Variants in MGAT4C observed in about 807,000 individuals in gnomAD.
MGAT4C encodes MGAT4 family member C.
Under a neutral mutation model 40.1 loss-of-function variants are expected in MGAT4C, and 19 were observed. The ratio of observed to expected loss-of-function variants is 0.47; its 90% confidence interval spans 0.33 to 0.70. The LOEUF (loss-of-function observed/expected upper bound fraction) is 0.70, where lower values mean the gene tolerates loss of function less well. Among genes scored for constraint, MGAT4C ranks in the 30% least tolerant of loss-of-function variants. The pLI, the probability that MGAT4C is intolerant of heterozygous loss-of-function variation, is 0.02. For missense variants in MGAT4C, 491 were observed against 563.2 expected, an observed-to-expected ratio of 0.87 and a Z score of 1.30; for synonymous variants, 181 against 187.1, an observed-to-expected ratio of 0.97 and a Z score of 0.27.
At chr12:86,587,204 T>A (rs1961087733) in intron 2 of MGAT4C, among the ~76,000 whole-genome samples, 1 of 151,960 alleles carries the variant, frequency 6.6e-6, no homozygotes, top group Non-Finnish European at 1.5e-5. Context: ...ATTTATTAAA[T>A]AGGGAATCCT....
chr12:86,085,512 T>C (rs1256268809), intron 1 of MGAT4C, among the ~76,000 whole-genome samples: 1 of 152,142 alleles, frequency 6.6e-6, no homozygotes, highest in Non-Finnish European at 1.5e-5. Flanking sequence ...CAGATGATTG[T>C]AGATGTGTTG....
chr12:86,008,562 A>G (rs565608774), intron 2 of MGAT4C, among the ~76,000 whole-genome samples: 22 of 152,014 alleles, frequency 1.4e-4, no homozygotes, highest in African/African-American at 4.6e-4. Context: ...TTTTTTTCCA[A>G]TCTCTAAGAC....
intron 2 of MGAT4C, among the ~76,000 whole-genome samples, chr12:86,015,269 C>T (rs1004650353): frequency 4.8e-5 from 7 of 145,006 alleles, no homozygotes; most frequent in Non-Finnish European, 6.1e-5. Context: ...GTGTGTTTTC[C>T]GCTAGGAAAT....
At chr12:86,381,492 T>A (rs544184967) in intron 3 of MGAT4C, among the ~76,000 whole-genome samples, 1 of 152,090 alleles carries the variant, frequency 6.6e-6, no homozygotes, top group Non-Finnish European at 1.5e-5. Context: ...GAAAAATCTA[T>A]CTCAACTCTC....
chr12:86,400,192 A>G (rs934599727), intron 3 of MGAT4C, among the ~76,000 whole-genome samples: 1 of 152,190 alleles, frequency 6.6e-6, no homozygotes, highest in Admixed American at 6.5e-5. Context: ...GAAGTCTTCT[A>G]TATTTGTGGT....
At chr12:86,794,788 T>G (rs1168925479) in intron 1 of MGAT4C, among the ~76,000 whole-genome samples, 1 of 151,862 alleles carries the variant, frequency 6.6e-6, no homozygotes, top group Admixed American at 6.6e-5. Context: ...ATTTTTTTGT[T>G]TGATGCAATA....
intron 2 of MGAT4C, among the ~76,000 whole-genome samples, chr12:86,630,498 C>T (rs1017254227): frequency 6.6e-6 from 1 of 152,056 alleles, no homozygotes; most frequent in Non-Finnish European, 1.5e-5. Flanking sequence ...ATGCAAAAAT[C>T]CTCAATAAAA....
At chr12:86,780,198 A>T (rs1248024582) in intron 1 of MGAT4C, among the ~76,000 whole-genome samples, 1 of 152,192 alleles carries the variant, frequency 6.6e-6, no homozygotes, top group East Asian at 1.9e-4. Flanking sequence ...TATAATTTAA[A>T]TTCTCTAACT....
At chr12:86,643,860 T>A (rs1366382929) in intron 2 of MGAT4C, among the ~76,000 whole-genome samples, 2 of 151,788 alleles carry the variant, frequency 1.3e-5, no homozygotes, top group African/African-American at 2.4e-5. Context: ...ATAAAGTGAT[T>A]ATTGTAAAAC....
chr12:86,470,319 C>A (rs934862792), intron 2 of MGAT4C, among the ~76,000 whole-genome samples: 2 of 152,114 alleles, frequency 1.3e-5, no homozygotes, highest in African/African-American at 2.4e-5. Context: ...GGTTCTCTCT[C>A]TTCCCTTTTT....
At chr12:85,999,957 C>A (rs1257702346) in intron 2 of MGAT4C, among the ~76,000 whole-genome samples, 1 of 152,026 alleles carries the variant, frequency 6.6e-6, no homozygotes, top group African/African-American at 2.4e-5. Flanking sequence ...ATTAGGGTGA[C>A]TACAGCTAAT....
chr12:86,146,795 C>T (rs1021041642), intron 1 of MGAT4C, among the ~76,000 whole-genome samples: 1 of 151,460 alleles, frequency 6.6e-6, no homozygotes, highest in Non-Finnish European at 1.5e-5. Flanking sequence ...CAACAATCGA[C>T]CTTATTTGGT....
intron 1 of MGAT4C, among the ~76,000 whole-genome samples, chr12:86,206,882 C>G (rs1950278819): frequency 1.3e-5 from 2 of 152,258 alleles, no homozygotes; most frequent in South Asian, 4.1e-4. Flanking sequence ...AAGACGATCA[C>G]TTCACCTCAG....
At chr12:86,586,876 C>T (rs923589220) in intron 2 of MGAT4C, among the ~76,000 whole-genome samples, 11 of 151,864 alleles carry the variant, frequency 7.2e-5, no homozygotes, top group Admixed American at 1.3e-4. Flanking sequence ...GAGTAGGTTG[C>T]GAAAATTTTC....
chr12:86,559,079 C>T (rs925672538), intron 2 of MGAT4C, among the ~76,000 whole-genome samples: 1 of 150,958 alleles, frequency 6.6e-6, no homozygotes, highest in Non-Finnish European at 1.5e-5. Flanking sequence ...AAGTCAAAAA[C>T]TGTAGAAAAA....
intron 1 of MGAT4C, among the ~76,000 whole-genome samples, chr12:86,131,991 C>T (rs1484300321): frequency 3.3e-5 from 5 of 152,080 alleles, no homozygotes; most frequent in Middle Eastern, 3.4e-3. Flanking sequence ...TTATAAATGA[C>T]ACAAGTGATT....
At chr12:86,277,422 G>GT (rs1177201150) in intron 4 of MGAT4C, among the ~76,000 whole-genome samples, 1 of 152,048 alleles carries the variant, frequency 6.6e-6, no homozygotes, top group East Asian at 1.9e-4. Flanking sequence ...GCCCATTTTT[G>GT]TTTTGATTGC....
At position 86,252,578 on chromosome 12, in the gene MGAT4C, G is replaced by A. The variant is rs543673965; in HGVS notation, c.-57+3661C>T. Among the ~76,000 whole-genome samples, 17 of 151,930 alleles carry A rather than the reference G, an allele frequency of 1.1e-4. No individual in the cohort carries two copies. In the East Asian group the frequency reaches 3.3e-3, roughly 29 times the overall value. On this transcript the variant is annotated intron_variant, in intron 1 of 4. Coordinates refer to ENST00000611864, the MANE Select transcript of MGAT4C (RefSeq NM_001351288.2). ...ATAAATATCACTTTTTAGTGCCATT[G>A]TCCTAGGAACTAGCATTAGTAGCTA...
chr12:86,751,883 G>A (rs924479496), intron 1 of MGAT4C, among the ~76,000 whole-genome samples: 6 of 151,864 alleles, frequency 4.0e-5, no homozygotes, highest in Non-Finnish European at 8.8e-5. Context: ...TGCAAAATTA[G>A]GCTTATAAAA....
Sources: gnomAD v4.1 joint callset for allele counts (sites outside exome capture counted in the v4.1 genomes callset) on GRCh38, gnomAD v4.1.1 for gene constraint, MANE v1.5 for transcripts, NCBI Gene and HGNC (gene_info 2026-07-23, HGNC 2026-07-21) for gene names.